DLC1: variants seen among roughly 807,000 people sequenced by gnomAD.
The protein encoded by DLC1 is DLC1 Rho GTPase activating protein.
In DLC1, 54 loss-of-function variants were observed where a neutral mutation model predicts 140.3. That is an observed-to-expected ratio of 0.38 (90% CI 0.31 to 0.48). The LOEUF (loss-of-function observed/expected upper bound fraction) is 0.48. Among genes scored for constraint, DLC1 ranks in the 20% least tolerant of loss-of-function variants. DLC1 has a pLI of 0.96. For missense variants in DLC1, 2,536 were observed against 1,907.0 expected, an observed-to-expected ratio of 1.33 and a Z score of -6.14; for synonymous variants, 986 against 728.1, an observed-to-expected ratio of 1.35 and a Z score of -5.70.
intron 5 of DLC1, among the ~76,000 whole-genome samples, chr8:13,280,237 G>A (rs1364087842): frequency 2.2e-5 from 3 of 137,922 alleles, no homozygotes; most frequent in Admixed American, 7.9e-5. Context: ...ACAGTGAGCC[G>A]AGATCGCACC....
At chr8:13,590,015 TA>T (rs1304112395) in intron 1 of DLC1, among the ~76,000 whole-genome samples, 3 of 151,016 alleles carry the variant, frequency 2.0e-5, no homozygotes, top group Non-Finnish European at 4.4e-5. Flanking sequence ...TGCATTATTT[TA>T]AAATGTTATG....
chr8:13,180,205 G>T (rs1372375189), intron 5 of DLC1, among the ~76,000 whole-genome samples: 1 of 152,132 alleles, frequency 6.6e-6, no homozygotes, highest in Non-Finnish European at 1.5e-5. Flanking sequence ...CTTGTTCCCT[G>T]CCTGGCCCTT....
intron 2 of DLC1, among the ~76,000 whole-genome samples, chr8:13,484,624 C>G (rs1800882048): frequency 6.6e-6 from 1 of 151,990 alleles, no homozygotes; most frequent in African/African-American, 2.4e-5. Flanking sequence ...TTCTATGTAT[C>G]TGTTTAGTTT....
intron 5 of DLC1, among the ~76,000 whole-genome samples, chr8:13,117,244 G>A (rs1409781599): frequency 6.6e-6 from 1 of 152,202 alleles, no homozygotes; most frequent in Non-Finnish European, 1.5e-5. Flanking sequence ...GCTGAGGTGG[G>A]AGGATCATTT....
intron 5 of DLC1, among the ~76,000 whole-genome samples, chr8:13,283,268 T>C (rs1224453695): frequency 6.6e-6 from 1 of 151,892 alleles, no homozygotes; most frequent in Non-Finnish European, 1.5e-5. Flanking sequence ...CAGGTCGACT[T>C]CTGTGTACCA....
chr8:13,100,847 T>C, intron 8 of DLC1, 77 bp from the exon 9 acceptor site: 1 of 1,440,158 alleles, frequency 6.9e-7, no homozygotes, highest in Non-Finnish European at 9.2e-7. Context: ...AGGAGGCTGC[T>C]CATAATATGC....
chr8:13,143,889 C>T (rs1013721290), intron 5 of DLC1, among the ~76,000 whole-genome samples: 3 of 149,622 alleles, frequency 2.0e-5, no homozygotes, highest in African/African-American at 7.5e-5. Context: ...CGTTTCAGCC[C>T]AGAGCTGTTT....
intron 5 of DLC1, among the ~76,000 whole-genome samples, chr8:13,221,760 TATA>T (rs948195752): frequency 2.8e-5 from 4 of 144,218 alleles, no homozygotes; most frequent in South Asian, 2.2e-4. Context: ...AACCATTATA[TATA>T]ATATTAATAT....
chr8:13,134,992 G>A (rs1254858059), intron 5 of DLC1, among the ~76,000 whole-genome samples: 1 of 152,088 alleles, frequency 6.6e-6, no homozygotes, highest in Non-Finnish European at 1.5e-5. Context: ...AAGCGGTGCT[G>A]TGAGGGCCCA....
intron 1 of DLC1, among the ~76,000 whole-genome samples, chr8:13,544,253 C>G (rs17822158): frequency 0.12 from 17,530 of 151,624 alleles, 1,232 homozygotes; most frequent in Non-Finnish European, 0.15. Context: ...CTAGATTGGT[C>G]ACTTAACTGA....
At position 13,378,058 on chromosome 8, in the gene DLC1, T is replaced by A. The variant is rs920508819; in HGVS notation, c.1314+15495A>T. On this transcript the variant is annotated intron_variant, in intron 4 of 17. Coordinates refer to ENST00000276297, the MANE Select transcript of DLC1 (RefSeq NM_182643.3). ...ATTTTAATTAGCACTGATCTTTTTT[T>A]GGACATTATCCTTTTTTTTAAATTT... 4.7e-5 allele frequency among the ~76,000 whole-genome samples: 7 copies of A among 149,548 alleles called. No individual in the cohort carries two copies. In the East Asian group the frequency reaches 1.4e-3, roughly 30 times the overall value.
At chr8:13,593,849 G>A (rs2117480209) in intron 1 of DLC1, among the ~76,000 whole-genome samples, 1 of 152,256 alleles carries the variant, frequency 6.6e-6, no homozygotes, top group East Asian at 1.9e-4. Flanking sequence ...TCATCTATGT[G>A]GGTGTTCTCA....
chr8:13,316,700 G>A (rs929979212), intron 4 of DLC1, among the ~76,000 whole-genome samples: 7 of 152,034 alleles, frequency 4.6e-5, no homozygotes, highest in African/African-American at 9.7e-5. Context: ...GGTTTTCTTA[G>A]GGCAGCTGAG....
chr8:13,419,161 C>T (rs1563331221), intron 2 of DLC1, among the ~76,000 whole-genome samples: 1 of 152,140 alleles, frequency 6.6e-6, no homozygotes, highest in Non-Finnish European at 1.5e-5. Flanking sequence ...GGTCTGCAAA[C>T]AGGGACAATT....
chr8:13,583,601 A>C (rs1002161550), intron 1 of DLC1, among the ~76,000 whole-genome samples: 2 of 152,254 alleles, frequency 1.3e-5, no homozygotes, highest in African/African-American at 4.8e-5. Context: ...AGGCACAATA[A>C]AGTGAAGCAC....
rs923702788 is a variant in DLC1 at position 13,393,778 on chromosome 8, C to T, written c.1174-85G>A. 8 of 1,495,614 alleles carry T rather than the reference C, an allele frequency of 5.3e-6. No individual in the cohort carries two copies. In the African/African-American group the frequency reaches 1.1e-4, roughly 21 times the overall value. The allele number at this position is 1,495,614 out of a possible 1,614,324, so 92.6% of individuals were successfully genotyped here. On this transcript the variant is annotated intron_variant, in intron 3 of 17. Coordinates refer to ENST00000276297, the MANE Select transcript of DLC1 (RefSeq NM_182643.3). Reference sequence around the variant, plus strand: ...TCCTACCACCAGAACTTTGTCACTTCTTCTTTCTCCCAGTGCACACTGATA... The same window carrying T: ...TCCTACCACCAGAACTTTGTCACTTTTTCTTTCTCCCAGTGCACACTGATA...
chr8:13,237,890 T>TGAAA (rs976479787), intron 5 of DLC1, among the ~76,000 whole-genome samples: 25 of 145,938 alleles, frequency 1.7e-4, no homozygotes, highest in Middle Eastern at 3.5e-3. Context: ...ATACATATAT[T>TGAAA]GAAAGAAAGA....
At position 13,499,075 on chromosome 8, in the gene DLC1, T is replaced by C; in HGVS notation, c.997A>G (p.Asn333Asp). ...ETLATQEPTD[N>D]QVRLRKRKEI... ...TTTCTCTTACGAAGTCTGACTTGGT[T>C]ATCTGTGGGTTCCTGGGTGGCCAGG... Residue 333 changes from asparagine to aspartate, a missense_variant, in exon 2 of 18, where the codon AAC (asparagine) becomes GAC (aspartate). Physicochemically the swap from Asn to Asp is conservative, Grantham distance 23. Coordinates refer to ENST00000276297, the MANE Select transcript of DLC1 (RefSeq NM_182643.3). The C allele has an allele frequency of 6.2e-7, 1 of 1,612,646 alleles. No individual in the cohort carries two copies. The highest frequency in any genetic ancestry group is 8.5e-7 in the Non-Finnish European group (1 of 1,179,348).
intron 5 of DLC1, among the ~76,000 whole-genome samples, chr8:13,246,662 T>C (rs930623358): frequency 6.6e-6 from 1 of 152,146 alleles, no homozygotes; most frequent in Admixed American, 6.5e-5. Context: ...CAAATGCTTT[T>C]TTTTTTTTCT....
Sources: gnomAD v4.1 joint callset for allele counts (sites outside exome capture counted in the v4.1 genomes callset) on GRCh38, gnomAD v4.1.1 for gene constraint, MANE v1.5 for transcripts, NCBI Gene and HGNC (gene_info 2026-07-23, HGNC 2026-07-21) for gene names.